CCDC33: variants seen among roughly 807,000 people sequenced by gnomAD.
CCDC33 encodes coiled-coil domain-containing protein 33.
In CCDC33, 94 loss-of-function variants were observed where a neutral mutation model predicts 91.9. The ratio of observed to expected loss-of-function variants is 1.02; its 90% CI spans 0.87 to 1.21. CCDC33 has a LOEUF of 1.21. CCDC33 is among the 50% of genes most tolerant of loss of function. The pLI, the probability that CCDC33 is intolerant of heterozygous loss-of-function variation, is 0.00. For synonymous variants in CCDC33, 396 were observed against 374.5 expected, an observed-to-expected ratio of 1.06 and a Z score of -0.66; for missense variants, 940 against 935.5, an observed-to-expected ratio of 1.00 and a Z score of -0.06.
At chr15:74,246,217 C>A (rs767707293) in intron 2 of CCDC33, among the ~76,000 whole-genome samples, 1 of 152,336 alleles carries the variant, frequency 6.6e-6, no homozygotes, top group East Asian at 1.9e-4. Flanking sequence ...AACTGTAACA[C>A]CCCTAGAAGA....
chr15:74,237,989 G>T (rs897343363), intron 1 of CCDC33, among the ~76,000 whole-genome samples: 1 of 151,980 alleles, frequency 6.6e-6, no homozygotes, highest in East Asian at 1.9e-4. Flanking sequence ...TTAGCTGGGT[G>T]TGTTGGTGCA....
chr15:74,301,576 T>G (rs963583897), intron 11 of CCDC33: 6 of 152,216 alleles, frequency 3.9e-5, no homozygotes, highest in Non-Finnish European at 4.4e-5. Flanking sequence ...AATGTAGCTT[T>G]TTAACTGCCA....
At position 74,316,865 on chromosome 15, in the gene CCDC33, T is replaced by C. The variant is rs1297570590; in HGVS notation, c.1291-13324T>C. 6.6e-6 allele frequency among the ~76,000 whole-genome samples: 1 copy of C among 152,204 alleles called. No individual in the cohort carries two copies. The highest frequency in any genetic ancestry group is 2.4e-5 in the African/African-American group (1 of 41,446). On this transcript the variant is annotated intron_variant, in intron 11 of 18. Coordinates refer to ENST00000398814, the MANE Select transcript of CCDC33 (RefSeq NM_025055.5). This position sits in a 1 kb window ranked among gnomAD's most constrained non-coding sequence, Gnocchi z 4.7. ...CAGCGTTATGAGATGGGCACAGTGA[T>C]GCACTCCATTTTACAGAGGAGAAAA...
intron 10 of CCDC33, among the ~76,000 whole-genome samples, chr15:74,286,674 A>G (rs1279896082): frequency 2.0e-5 from 3 of 152,070 alleles, no homozygotes; most frequent in Non-Finnish European, 2.9e-5. Context: ...TGCATTTAAG[A>G]TTTGGGATCC....
rs76071421 is a variant in CCDC33, at chr15:74,330,275, G to A, written c.1377G>A (p.Glu459=). ...GACAGGCCAGCATCCTGGAAGGAGAGAACCGCATACTGAGGAGCCGCCTGG... is the reference window on the plus strand; with the variant it reads ...GACAGGCCAGCATCCTGGAAGGAGAAAACCGCATACTGAGGAGCCGCCTGG... ...LRRQASILEG[E]NRILRSRLAQ... Residue 459 remains glutamate (E), a synonymous_variant, in exon 12 of 19, where the codon GAG becomes GAA. Coordinates refer to ENST00000398814, the MANE Select transcript of CCDC33 (RefSeq NM_025055.5). 9.7e-5 allele frequency: 156 copies of A among 1,612,750 alleles called. No homozygotes were observed. In the East Asian group the frequency reaches 3.4e-3, roughly 35 times the overall value.
At chr15:74,249,668 T>C (rs916737000) in intron 2 of CCDC33, among the ~76,000 whole-genome samples, 8 of 152,118 alleles carry the variant, frequency 5.3e-5, no homozygotes, top group African/African-American at 1.9e-4. Context: ...ATTCACCCTA[T>C]GAGGAACCGG....
At chr15:74,322,305 G>T (rs1411401017) in intron 11 of CCDC33, among the ~76,000 whole-genome samples, 1 of 152,226 alleles carries the variant, frequency 6.6e-6, no homozygotes, top group Non-Finnish European at 1.5e-5. Flanking sequence ...TACGGGCAGG[G>T]GCGGGAGCAG....
At chr15:74,272,086 A>G (rs977119359) in intron 6 of CCDC33, among the ~76,000 whole-genome samples, 35 of 152,176 alleles carry the variant, frequency 2.3e-4, no homozygotes, top group Admixed American at 2.2e-3. Context: ...CAGGCCTAAC[A>G]GCTAGAGAGT....
intron 1 of CCDC33, among the ~76,000 whole-genome samples, chr15:74,207,124 G>A (rs1369554225): frequency 6.6e-6 from 1 of 152,192 alleles, no homozygotes; most frequent in African/African-American, 2.4e-5. Flanking sequence ...TAAACCTGAG[G>A]AATTTTTGCA....
chr15:74,313,726 C>A (rs1028686383), intron 11 of CCDC33, among the ~76,000 whole-genome samples: 1 of 152,176 alleles, frequency 6.6e-6, no homozygotes, highest in African/African-American at 2.4e-5. Context: ...CACAGAAGTG[C>A]TAGGCAACTT....
rs563668066 is a variant in CCDC33 at position 74,289,171 on chromosome 15, T to G, written c.1096-6583T>G. ...TCCATAAGGACATCAGGAGGCCTTG[T>G]CAGGTGCTGAAGATAAACATCGCCA... On this transcript the variant is annotated intron_variant, in intron 10 of 18. Transcript: ENST00000398814. Among the ~76,000 whole-genome samples the G allele has an allele frequency of 7.9e-5, 12 of 152,316 alleles. No individual in the cohort carries two copies. In the South Asian group the frequency reaches 2.3e-3, roughly 29 times the overall value.
At chr15:74,313,993 G>A (rs1299521947) in intron 11 of CCDC33, among the ~76,000 whole-genome samples, 5 of 152,066 alleles carry the variant, frequency 3.3e-5, no homozygotes, top group African/African-American at 4.8e-5. Flanking sequence ...GCACTCCCAC[G>A]GTGTTCCAGG....
At chr15:74,309,393 T>C (rs2059949811) in intron 11 of CCDC33, among the ~76,000 whole-genome samples, 2 of 152,206 alleles carry the variant, frequency 1.3e-5, no homozygotes, top group African/African-American at 4.8e-5. Flanking sequence ...GTGTGCTCAC[T>C]GAATGCACAG....
At chr15:74,215,259 T>A (rs1435296608), upstream of CCDC33, among the ~76,000 whole-genome samples, 1 of 152,080 alleles carries the variant, frequency 6.6e-6, no homozygotes, top group Admixed American at 6.5e-5. Flanking sequence ...GACATTATGT[T>A]AAGTGAAATA....
upstream of CCDC33, among the ~76,000 whole-genome samples, chr15:74,236,075 T>C (rs1300822224): frequency 6.6e-6 from 1 of 152,260 alleles, no homozygotes. Context: ...CAGTGTCTGC[T>C]TCCTCTTTTG....
At chr15:74,216,568 G>A (rs1270590216), upstream of CCDC33, among the ~76,000 whole-genome samples, 3 of 11,450 alleles carry the variant, frequency 2.6e-4, no homozygotes, top group East Asian at 5.2e-3. Flanking sequence ...ATGGAGTTTC[G>A]CTCTTGTTGC....
At chr15:74,331,602 G>A (rs2060440675) in intron 15 of CCDC33, among the ~76,000 whole-genome samples, 1 of 152,232 alleles carries the variant, frequency 6.6e-6, no homozygotes, top group Non-Finnish European at 1.5e-5. Context: ...ACAGCAGAGA[G>A]GGCCTTCCCC....
Position 74,266,894 on chromosome 15 carries a change from C to T in CCDC33, c.429+107C>T, listed in dbSNP as rs2076180280. 3 of 763,244 alleles carry T rather than the reference C, an allele frequency of 3.9e-6. No individual in the cohort carries two copies. In the Admixed American group the frequency reaches 6.1e-5, roughly 16 times the overall value. The allele number at this position is 763,244 out of a possible 1,614,324, so 47.3% of individuals were successfully genotyped here. A position where few individuals can be genotyped will look rare whatever the true frequency, so the allele number is the denominator to read the frequency against. On this transcript the variant is annotated intron_variant, in intron 4 of 18. Transcript: ENST00000398814. ...CTGAGCATCCCACACCCACCCACAG[C>T]ATGACAAGTCTAGGACCATGTGGGG...
Position 74,296,007 on chromosome 15 carries a change from A to T in CCDC33, c.1290+59A>T, listed in dbSNP as rs1596056391. ...GCAGTGATGAGGCCATGGGAAGGGG[A>T]CTTGACTGCCATCTGCAGGACTGCT... On this transcript the variant is annotated intron_variant, in intron 11 of 18. Transcript: ENST00000398814. The T allele has an allele frequency of 2.1e-6, 3 of 1,437,530 alleles. No individual in the cohort carries two copies. The East Asian group carries it at 7.4e-5, about 35-fold the overall frequency. The allele number at this position is 1,437,530 out of a possible 1,614,324, so 89.0% of individuals were successfully genotyped here. A position where few individuals can be genotyped will look rare whatever the true frequency, so the allele number is the denominator to read the frequency against.
Sources: allele counts gnomAD v4.1 joint callset (sites outside exome capture counted in the v4.1 genomes callset), GRCh38; gene constraint gnomAD v4.1.1; non-coding constraint Gnocchi (gnomAD v3.1); transcripts MANE v1.5; gene names NCBI Gene and HGNC (gene_info 2026-07-23, HGNC 2026-07-21).